FAM3C: variants seen among roughly 807,000 people sequenced by gnomAD.
The protein encoded by FAM3C is FAM3 metabolism regulating signaling molecule C.
In FAM3C, 15 loss-of-function variants were observed where a neutral mutation model predicts 32.5. That is an observed-to-expected ratio of 0.46 (90% CI 0.31 to 0.71). The LOEUF is 0.71. Ranked by LOEUF, FAM3C falls within the 30% of genes least tolerant of loss-of-function variation. FAM3C has a pLI of 0.05. For synonymous variants in FAM3C, 75 were observed against 86.1 expected, an observed-to-expected ratio of 0.87 and a Z score of 0.72; for missense variants, 175 against 274.4, an observed-to-expected ratio of 0.64 and a Z score of 2.56.
rs138625193 is a variant in FAM3C at position 121,366,288 on chromosome 7, A to C, written c.273-2100T>G. ...TATAGTTAAAAAGTGGAAACAACTC[A>C]AATGTCTACCAACTAATGAATGAGT... is the stretch of plus-strand genomic sequence containing the variant. On this transcript the variant is annotated intron_variant, in intron 5 of 9. Coordinates refer to ENST00000359943, the MANE Select transcript of FAM3C (RefSeq NM_014888.3). Among the ~76,000 whole-genome samples, 4 of 152,342 alleles carry C rather than the reference A, an allele frequency of 2.6e-5. No individual in the cohort carries two copies. The East Asian group carries it at 7.7e-4, about 29-fold the overall frequency.
intron 2 of FAM3C, among the ~76,000 whole-genome samples, chr7:121,381,948 G>A (rs1794365682): frequency 6.6e-6 from 1 of 152,106 alleles, no homozygotes; most frequent in Admixed American, 6.6e-5. Flanking sequence ...AGACTGGTTT[G>A]TTCACCCAGC....
At chr7:121,390,848 TGGGGCGGGGGGGGGG>T (rs1387978432) in intron 1 of FAM3C, among the ~76,000 whole-genome samples, 1 of 1,506 alleles carries the variant, frequency 6.6e-4, no homozygotes, top group Non-Finnish European at 1.9e-3. Context: ...AAAGGCTGTG[TGGGGCGGGGGGGGGG>T]GGGGGGGGGA....
intron 1 of FAM3C, among the ~76,000 whole-genome samples, chr7:121,395,851 C>CGCCCCAGGCCGGGGCGCCGAGTGCCA (rs1794682037): frequency 6.6e-6 from 1 of 151,984 alleles, no homozygotes; most frequent in African/African-American, 2.4e-5. Flanking sequence ...CCCAGGTGCC[C>CGCCCCAGGCCGGGGCGCCGAGTGCCA]GCCCCAGGCC....
chr7:121,381,488 G>T (rs1033468671), intron 2 of FAM3C, among the ~76,000 whole-genome samples: 2 of 152,100 alleles, frequency 1.3e-5, no homozygotes, highest in East Asian at 3.8e-4. Flanking sequence ...GTCAGAACCA[G>T]AGAAATGGAC....
Position 121,378,870 on chromosome 7 carries a change from T to A in FAM3C, c.118+40A>T, listed in dbSNP as rs759133488. 5.2e-6 allele frequency: 6 copies of A among 1,154,660 alleles called. 1 individual carries two copies. The highest frequency in any genetic ancestry group is 3.1e-5 in the African/African-American group (2 of 63,922). The allele number at this position is 1,154,660 out of a possible 1,614,324, so 71.5% of individuals were successfully genotyped here. On this transcript the variant is annotated intron_variant, in intron 3 of 9. Coordinates refer to ENST00000359943, the MANE Select transcript of FAM3C (RefSeq NM_014888.3). The stretch of plus-strand genomic sequence containing the variant: ...ATAACTGATAAAACTTTAGGCCACA[T>A]CAAAAATAAGATTTAAGAAAGGAAA...
At chr7:121,378,053 G>C (rs920633445) in intron 3 of FAM3C, among the ~76,000 whole-genome samples, 5 of 152,268 alleles carry the variant, frequency 3.3e-5, no homozygotes, top group Admixed American at 6.5e-5. Context: ...CAGTCTTATA[G>C]CGGTATATTT....
chr7:121,379,031 T>C lies in FAM3C; in HGVS notation c.14-17A>G, dbSNP rs775092417. 34 of 1,390,298 alleles carry C rather than the reference T, an allele frequency of 2.4e-5. No homozygotes were observed. In the South Asian group the frequency reaches 4.7e-4, roughly 19 times the overall value. The allele number at this position is 1,390,298 out of a possible 1,614,324, so 86.1% of individuals were successfully genotyped here. On this transcript the variant is annotated splice_polypyrimidine_tract_variant and intron_variant, in intron 2 of 9. Coordinates refer to ENST00000359943, the MANE Select transcript of FAM3C (RefSeq NM_014888.3). Reference sequence around the variant, plus strand: ...TTGCAGCACCTAAAAGGCAGAAGTATTTCAGCATAACTTTGTAAGCCCACA... The same window carrying C: ...TTGCAGCACCTAAAAGGCAGAAGTACTTCAGCATAACTTTGTAAGCCCACA...
At chr7:121,360,223 A>T (rs1793892460) in intron 7 of FAM3C, 96 bp from the exon 8 acceptor site, 2 of 691,454 alleles carry the variant, frequency 2.9e-6, no homozygotes, top group East Asian at 5.1e-5. Context: ...AAGTATCTGT[A>T]AAGCAATAAT....
intron 1 of FAM3C, among the ~76,000 whole-genome samples, chr7:121,386,596 T>C (rs960405420): frequency 2.0e-5 from 3 of 151,500 alleles, no homozygotes; most frequent in Non-Finnish European, 2.9e-5. Context: ...ACAAATCATA[T>C]ACCTGTATAT....
At chr7:121,372,282 T>G (rs1794164900) in intron 3 of FAM3C, 143 bp from the exon 4 acceptor site, 3 of 550,648 alleles carry the variant, frequency 5.4e-6, no homozygotes, top group Non-Finnish European at 9.8e-6. Flanking sequence ...TAAGAAAAAG[T>G]GAGAAAGTAA....
chr7:121,368,214 G>C (rs533863133), intron 5 of FAM3C, among the ~76,000 whole-genome samples: 105 of 152,220 alleles, frequency 6.9e-4, no homozygotes, highest in Non-Finnish European at 1.2e-3. Flanking sequence ...AATTCTTGTG[G>C]ATGAGCTGAC....
chr7:121,383,381 C>T (rs1265683088), intron 1 of FAM3C, among the ~76,000 whole-genome samples: 1 of 152,092 alleles, frequency 6.6e-6, no homozygotes, highest in East Asian at 1.9e-4. Context: ...AGCTGCTTAT[C>T]TAGTTGTGGA....
At chr7:121,387,942 C>T (rs1319673384) in intron 1 of FAM3C, among the ~76,000 whole-genome samples, 1 of 151,974 alleles carries the variant, frequency 6.6e-6, no homozygotes, top group East Asian at 1.9e-4. Context: ...ACCCTGTCTC[C>T]CCTGAATGCA....
chr7:121,372,815 T>G (rs1484809443), intron 3 of FAM3C, among the ~76,000 whole-genome samples: 1 of 152,196 alleles, frequency 6.6e-6, no homozygotes, highest in Admixed American at 6.5e-5. Context: ...ATTTGACTAA[T>G]AAGTATGCAG....
intron 2 of FAM3C, among the ~76,000 whole-genome samples, chr7:121,381,409 T>C (rs1248554756): frequency 6.6e-6 from 1 of 152,170 alleles, no homozygotes; most frequent in African/African-American, 2.4e-5. Context: ...TCAAGACCTA[T>C]ACTAGGAACA....
At chr7:121,369,933 T>A (rs1309685357) in intron 5 of FAM3C, among the ~76,000 whole-genome samples, 8 of 139,112 alleles carry the variant, frequency 5.8e-5, no homozygotes, top group African/African-American at 2.4e-4. Context: ...ATAAAAAACC[T>A]GCTAGTAAAC....
At chr7:121,395,770 C>T (rs1429342933) in intron 1 of FAM3C, among the ~76,000 whole-genome samples, 1 of 152,108 alleles carries the variant, frequency 6.6e-6, no homozygotes, top group African/African-American at 2.4e-5. Context: ...CCAACTCCGT[C>T]CCCACCTCTC....
chr7:121,392,927 G>A (rs1794606453), intron 1 of FAM3C, among the ~76,000 whole-genome samples: 1 of 152,146 alleles, frequency 6.6e-6, no homozygotes, highest in Non-Finnish European at 1.5e-5. Flanking sequence ...TCTAAAACAT[G>A]CTAAGTGAAA....
intron 3 of FAM3C, among the ~76,000 whole-genome samples, chr7:121,378,212 G>A (rs1794277557): frequency 6.6e-6 from 1 of 151,860 alleles, no homozygotes; most frequent in African/African-American, 2.4e-5. Flanking sequence ...AAAAAACTGG[G>A]TTAAGGTACC....
Sources: gnomAD v4.1 joint callset for allele counts (sites outside exome capture counted in the v4.1 genomes callset) on GRCh38, gnomAD v4.1.1 for gene constraint, MANE v1.5 for transcripts, NCBI Gene and HGNC (gene_info 2026-07-23, HGNC 2026-07-21) for gene names.